Variants in MSI2 observed in about 807,000 individuals in gnomAD.
MSI2 encodes RNA-binding protein Musashi homolog 2.
MSI2 carries 17 observed loss-of-function variants against 45.6 expected under a neutral mutation model. That is an observed-to-expected ratio of 0.37 (90% CI 0.26 to 0.56). MSI2 has a LOEUF of 0.56. Among genes scored for constraint, MSI2 ranks in the 20% least tolerant of loss-of-function variants. MSI2 has a pLI of 0.77. For synonymous variants in MSI2, 156 were observed against 158.2 expected (o/e 0.99, Z 0.11); for missense variants, 293 against 444.2 (o/e 0.66, Z 3.06).
intron 6 of MSI2, among the ~76,000 whole-genome samples, chr17:57,445,496 T>C (rs2084880654): frequency 6.6e-6 from 1 of 151,666 alleles, no homozygotes; most frequent in African/African-American, 2.4e-5. Flanking sequence ...GGGTCTTTTG[T>C]TGTGTTGTTT....
chr17:57,293,588 T>G (rs1303809215), intron 5 of MSI2, among the ~76,000 whole-genome samples: 1 of 55,754 alleles, frequency 1.8e-5, no homozygotes, highest in East Asian at 6.6e-4. Flanking sequence ...TGCTTTATTG[T>G]TTTTTTGTTT....
In MSI2 at chr17:57,500,790, C is replaced by CA. The variant is rs58479533; in HGVS notation, c.406-28867dup. Among the ~76,000 whole-genome samples, 681 of 107,084 alleles carry CA rather than the reference C, an allele frequency of 6.4e-3. 6 individuals are homozygous for CA. Among genetic ancestry groups the CA allele is most frequent in the South Asian group, 0.019 (58 of 3,020 alleles). 70.3% of individuals were successfully genotyped at this position (107,084 alleles called of 152,430 possible). A position where few individuals can be genotyped will look rare whatever the true frequency, so the allele number is the denominator to read the frequency against. On this transcript the variant is annotated intron_variant, in intron 6 of 13. Transcript: ENST00000284073. ...GAGTTCGAGGCCACCCTGTCTCTAC[C>CA]AAAAAAAAAAAAAAAAAAAGGATTA...
At chr17:57,420,343 A>G (rs780232596) in intron 6 of MSI2, among the ~76,000 whole-genome samples, 7 of 152,208 alleles carry the variant, frequency 4.6e-5, no homozygotes, top group Admixed American at 2.6e-4. Flanking sequence ...TTATTTGTCC[A>G]TGGTGGCATA....
At chr17:57,562,262 A>T (rs1367129118) in intron 7 of MSI2, among the ~76,000 whole-genome samples, 2 of 152,218 alleles carry the variant, frequency 1.3e-5, no homozygotes, top group African/African-American at 4.8e-5. Context: ...GCATCTCAAG[A>T]TGTTCAGAAA....
chr17:57,392,770 T>C (rs1182967892), intron 5 of MSI2, among the ~76,000 whole-genome samples: 1 of 152,128 alleles, frequency 6.6e-6, no homozygotes, highest in Admixed American at 6.6e-5. Flanking sequence ...GACGAAGCGG[T>C]GGGAATGGTG....
intron 6 of MSI2, among the ~76,000 whole-genome samples, chr17:57,499,147 G>A (rs1469662370): frequency 1.3e-5 from 2 of 151,726 alleles, no homozygotes; most frequent in East Asian, 1.9e-4. Context: ...AGGCTGAGGC[G>A]GATGGATCAC....
At chr17:57,402,493 C>T (rs573559585) in intron 6 of MSI2, among the ~76,000 whole-genome samples, 30 of 152,210 alleles carry the variant, frequency 2.0e-4, no homozygotes, top group Non-Finnish European at 3.2e-4. Flanking sequence ...CACTTGTTTC[C>T]TCCCACGATG....
intron 8 of MSI2, among the ~76,000 whole-genome samples, chr17:57,599,452 G>C (rs1905618378): frequency 6.6e-6 from 1 of 152,214 alleles, no homozygotes; most frequent in African/African-American, 2.4e-5. Flanking sequence ...TGCCCCAGAA[G>C]AAGAACCCAT....
At chr17:57,267,207 G>T (rs979655920) in intron 5 of MSI2, 1 of 152,340 alleles carries the variant, frequency 6.6e-6, no homozygotes, top group Non-Finnish European at 1.5e-5. Flanking sequence ...AGGATGTGGT[G>T]GTGTGTCTGC....
At chr17:57,293,764 A>G (rs1233725867) in intron 5 of MSI2, among the ~76,000 whole-genome samples, 4 of 151,216 alleles carry the variant, frequency 2.6e-5, no homozygotes, top group African/African-American at 9.7e-5. Flanking sequence ...ATGCGCCACC[A>G]CACCCGGCTA....
At position 57,652,862 on chromosome 17, in the gene MSI2, G is replaced by A. The variant is rs984501270; in HGVS notation, c.790+701G>A. On this transcript the variant is annotated intron_variant, in intron 11 of 13. Coordinates refer to ENST00000284073, the MANE Select transcript of MSI2 (RefSeq NM_138962.4). The surrounding 1 kb of genome is among the most constrained non-coding windows in gnomAD (Gnocchi z 4.1). ...CTTTCCCAGCATTATCATGGGGTCA[G>A]GCCAGAGCTGGGATATGTCCAGGGT... is the stretch of plus-strand genomic sequence containing the variant. 2.6e-5 allele frequency among the ~76,000 whole-genome samples: 4 copies of A among 152,346 alleles called. No individual in the cohort carries two copies. Among genetic ancestry groups the A allele is most frequent in the African/African-American group, 9.6e-5 (4 of 41,582 alleles).
intron 8 of MSI2, among the ~76,000 whole-genome samples, chr17:57,609,987 G>A (rs1033542831): frequency 6.6e-6 from 1 of 152,190 alleles, no homozygotes. Flanking sequence ...CCTGCTCCGT[G>A]GGATGGATAT....
chr17:57,459,736 C>G (rs1469040393), intron 6 of MSI2, among the ~76,000 whole-genome samples: 1 of 152,082 alleles, frequency 6.6e-6, no homozygotes, highest in Non-Finnish European at 1.5e-5. Context: ...ACTCACGCCT[C>G]TAATCCTAGC....
intron 5 of MSI2, among the ~76,000 whole-genome samples, chr17:57,316,757 G>A (rs1049667835): frequency 6.6e-6 from 1 of 152,288 alleles, no homozygotes; most frequent in African/African-American, 2.4e-5. Context: ...GGATATATTT[G>A]GGAGGTGACT....
intron 5 of MSI2, among the ~76,000 whole-genome samples, chr17:57,336,892 G>A (rs1430259924): frequency 6.6e-6 from 1 of 152,128 alleles, no homozygotes; most frequent in Non-Finnish European, 1.5e-5. Context: ...TTAGCTGGGT[G>A]GTTCCACTCA....
At chr17:57,508,359 T>G (rs1399952087) in intron 6 of MSI2, among the ~76,000 whole-genome samples, 3 of 152,198 alleles carry the variant, frequency 2.0e-5, no homozygotes, top group Non-Finnish European at 4.4e-5. Context: ...GCATCTACAC[T>G]GACAGCCCTT....
intron 7 of MSI2, among the ~76,000 whole-genome samples, chr17:57,546,381 A>G (rs1041876105): frequency 8.5e-5 from 13 of 152,206 alleles, no homozygotes; most frequent in Non-Finnish European, 1.8e-4. Context: ...TTTCTGAAAT[A>G]TGATTCTCCT....
chr17:57,627,367 G>A lies in MSI2; in HGVS notation c.727+64G>A, dbSNP rs190237160. On this transcript the variant is annotated intron_variant, in intron 10 of 13. Transcript: ENST00000284073. The surrounding 1 kb of genome is among the most constrained non-coding windows in gnomAD (Gnocchi z 4.6). Reference sequence around the variant, plus strand: ...AGGTGGGCTGCATTTGCGGGGAGGTGAGAGGACCCCTAAAGAGAATGCATT... The same window carrying A: ...AGGTGGGCTGCATTTGCGGGGAGGTAAGAGGACCCCTAAAGAGAATGCATT... The A allele has an allele frequency of 4.4e-4, 605 of 1,389,214 alleles. 5 individuals carry two copies. In the East Asian group the frequency reaches 0.013, roughly 31 times the overall value. 86.1% of individuals were successfully genotyped at this position (1,389,214 alleles called of 1,614,324 possible).
intron 6 of MSI2, among the ~76,000 whole-genome samples, chr17:57,438,323 G>A (rs1017485471): frequency 2.0e-4 from 30 of 152,122 alleles, no homozygotes; most frequent in African/African-American, 6.8e-4. Context: ...TCAGTAACGG[G>A]TACCATTTCT....
Sources: gnomAD v4.1 joint callset for allele counts (sites outside exome capture counted in the v4.1 genomes callset) on GRCh38, gnomAD v4.1.1 for gene constraint, Gnocchi (gnomAD v3.1) non-coding constraint, MANE v1.5 for transcripts, NCBI Gene and HGNC (gene_info 2026-07-23, HGNC 2026-07-21) for gene names.